TMTC2: variants seen among roughly 807,000 people sequenced by gnomAD.
The protein encoded by TMTC2 is transmembrane O-mannosyltransferase targeting cadherins 2.
TMTC2 carries 43 observed loss-of-function variants against 82.4 expected under a neutral mutation model. The ratio of observed to expected loss-of-function variants is 0.52; its 90% CI spans 0.41 to 0.67. The LOEUF (loss-of-function observed/expected upper bound fraction) is 0.67, where lower values mean the gene tolerates loss of function less well. Ranked by LOEUF, TMTC2 falls within the 30% of genes least tolerant of loss-of-function variation. TMTC2 has a pLI of 0.00. For synonymous variants in TMTC2, 408 were observed against 381.9 expected, an observed-to-expected ratio of 1.07 and a Z score of -0.80; for missense variants, 919 against 1,012.4, an observed-to-expected ratio of 0.91 and a Z score of 1.25.
At chr12:82,719,385 C>T (rs909735511) in intron 1 of TMTC2, among the ~76,000 whole-genome samples, 1 of 152,002 alleles carries the variant, frequency 6.6e-6, no homozygotes, top group African/African-American at 2.4e-5. Context: ...AGCCACCGTG[C>T]CCAGCCTGGA....
chr12:83,042,317 T>C (rs2137441927), intron 9 of TMTC2, among the ~76,000 whole-genome samples: 1 of 152,298 alleles, frequency 6.6e-6, no homozygotes, highest in Admixed American at 6.5e-5. Context: ...CTACCTCATC[T>C]CTTTCCTTAC....
rs192368100 is a variant in TMTC2, at chr12:82,821,848, T to A, written c.84-35162T>A. Among the ~76,000 whole-genome samples, 4 of 139,898 alleles carry A rather than the reference T, an allele frequency of 2.9e-5. No individual in the cohort carries two copies. The East Asian group carries it at 8.4e-4, about 29-fold the overall frequency. The allele number at this position is 139,898 out of a possible 152,430, so 91.8% of individuals were successfully genotyped here. On this transcript the variant is annotated intron_variant, in intron 1 of 11. Transcript: ENST00000321196. ...TTGCAGTGAGCCGAGATCGCGCCACTACACTTCAGCTGCCTGGGTGACAGA... is the reference window on the plus strand; with the variant it reads ...TTGCAGTGAGCCGAGATCGCGCCACAACACTTCAGCTGCCTGGGTGACAGA...
At chr12:82,916,397 A>G (rs1313295071) in intron 3 of TMTC2, among the ~76,000 whole-genome samples, 1 of 152,112 alleles carries the variant, frequency 6.6e-6, no homozygotes, top group Non-Finnish European at 1.5e-5. Context: ...TGTAGAGCAC[A>G]TTGTTATTAG....
intron 9 of TMTC2, among the ~76,000 whole-genome samples, chr12:83,031,823 C>A (rs960759790): frequency 6.6e-6 from 1 of 151,846 alleles, no homozygotes; most frequent in Non-Finnish European, 1.5e-5. Context: ...CTCAAATAAC[C>A]ACAAATCCAT....
intron 1 of TMTC2, among the ~76,000 whole-genome samples, chr12:82,692,314 C>T (rs1395904237): frequency 1.3e-5 from 2 of 152,176 alleles, no homozygotes; most frequent in African/African-American, 4.8e-5. Flanking sequence ...TAATGTGCCC[C>T]TGTTGTTAAT....
chr12:82,731,960 T>C (rs961132794), intron 1 of TMTC2, among the ~76,000 whole-genome samples: 1 of 152,238 alleles, frequency 6.6e-6, no homozygotes, highest in Non-Finnish European at 1.5e-5. Context: ...GCTTGTTGTC[T>C]CTTTCCCTGG....
chr12:82,940,323 A>G (rs1204497351), intron 4 of TMTC2, among the ~76,000 whole-genome samples: 1 of 151,860 alleles, frequency 6.6e-6, no homozygotes, highest in Non-Finnish European at 1.5e-5. Flanking sequence ...GGCCAGATAC[A>G]TGTATTTCTA....
intron 5 of TMTC2, 95 bp from the exon 6 acceptor site, chr12:82,965,465 C>T (rs1878151505): frequency 7.2e-7 from 1 of 1,395,198 alleles, no homozygotes; most frequent in Non-Finnish European, 9.9e-7. Context: ...TTAATGAGCA[C>T]TAAACCATAG....
At chr12:83,080,973 C>G (rs555651646) in intron 11 of TMTC2, among the ~76,000 whole-genome samples, 1 of 152,290 alleles carries the variant, frequency 6.6e-6, no homozygotes, top group African/African-American at 2.4e-5. Flanking sequence ...ATGTCAGTTG[C>G]TAAAACAAGC....
At chr12:82,701,350 G>A (rs78676149) in intron 1 of TMTC2, among the ~76,000 whole-genome samples, 5,019 of 152,114 alleles carry the variant, frequency 0.033, 184 homozygotes, top group East Asian at 0.12. Flanking sequence ...GAATATAAAA[G>A]CTCTGTTTGA....
At chr12:82,947,552 G>A (rs575401188) in intron 4 of TMTC2, among the ~76,000 whole-genome samples, 7 of 145,086 alleles carry the variant, frequency 4.8e-5, no homozygotes, top group Non-Finnish European at 8.8e-5. Context: ...CCGTGGTCTC[G>A]ATCTCCTGAC....
chr12:82,915,088 G>A (rs567269139), intron 3 of TMTC2, among the ~76,000 whole-genome samples: 33 of 152,172 alleles, frequency 2.2e-4, no homozygotes, highest in African/African-American at 7.7e-4. Flanking sequence ...GCCTCCCAAA[G>A]TGCTGGGATT....
At position 82,965,737 on chromosome 12, in the gene TMTC2, A is replaced by G. The variant is rs1315176909; in HGVS notation, c.1862A>G (p.His621Arg). 6.2e-6 allele frequency: 10 copies of G among 1,613,784 alleles called. No individual in the cohort carries two copies. The East Asian group carries it at 2.0e-4, about 32-fold the overall frequency. The stretch of plus-strand genomic sequence containing the variant: ...GGAAAGCTGTATCATGAGCAGGGAC[A>G]CTATGAGGTCTGGCCAATGCCTCTC... ...NLGKLYHEQG[H>R]YEEALSVYKE... Residue 621 changes from histidine to arginine, a missense_variant, in exon 6 of 12, where the codon CAC (histidine) becomes CGC (arginine). By Grantham distance (29) the His-to-Arg change is conservative. Coordinates refer to ENST00000321196, the MANE Select transcript of TMTC2 (RefSeq NM_152588.3).
intron 11 of TMTC2, 107 bp from the exon 12 acceptor site, chr12:83,132,103 T>A (rs770085155): frequency 3.0e-6 from 4 of 1,338,798 alleles, no homozygotes; most frequent in Non-Finnish European, 4.0e-6. Context: ...ACAAAATGCC[T>A]CTAGACATAA....
chr12:82,792,562 G>A (rs146502128), intron 1 of TMTC2, among the ~76,000 whole-genome samples: 1 of 152,066 alleles, frequency 6.6e-6, no homozygotes, highest in African/African-American at 2.4e-5. Flanking sequence ...AACTTCCTGG[G>A]GTCAAGCAAT....
At chr12:82,914,833 T>A (rs1373476593) in intron 3 of TMTC2, among the ~76,000 whole-genome samples, 3 of 147,290 alleles carry the variant, frequency 2.0e-5, no homozygotes, top group African/African-American at 7.6e-5. Flanking sequence ...TTTTTTTTTT[T>A]TTTTTTTTTG....
chr12:83,117,958 G>C (rs1328073908), intron 11 of TMTC2, among the ~76,000 whole-genome samples: 2 of 151,798 alleles, frequency 1.3e-5, no homozygotes, highest in East Asian at 3.9e-4. Context: ...TTCTTGATTT[G>C]ATTCTCAGCT....
In TMTC2 at chr12:82,845,226, C is replaced by CAAAA. The variant is rs66859423; in HGVS notation, c.84-11760_84-11757dup. On this transcript the variant is annotated intron_variant, in intron 1 of 11. Coordinates refer to ENST00000321196, the MANE Select transcript of TMTC2 (RefSeq NM_152588.3). ...CCTGGGTGACAGAGCGTGACTGTCTCAAAAAAAAAAAAAAAAAAAAAAAAA... is the reference window on the plus strand; with the variant it reads ...CCTGGGTGACAGAGCGTGACTGTCTCAAAAAAAAAAAAAAAAAAAAAAAAAAAAA... Among the ~76,000 whole-genome samples, 319 of 45,564 alleles carry CAAAA rather than the reference C, an allele frequency of 7.0e-3. 50 individuals are homozygous for CAAAA. The highest frequency in any genetic ancestry group is 0.022 in the African/African-American group (220 of 9,848). The allele number at this position is 45,564 out of a possible 152,430, so 29.9% of individuals were successfully genotyped here.
chr12:82,967,280 CTG>C (rs1157263578), intron 7 of TMTC2, among the ~76,000 whole-genome samples: 3 of 151,918 alleles, frequency 2.0e-5, no homozygotes, highest in East Asian at 3.9e-4. Context: ...ACTCTAGAGA[CTG>C]TAGAAATAAA....
Sources: gnomAD v4.1 joint callset for allele counts (sites outside exome capture counted in the v4.1 genomes callset) on GRCh38, gnomAD v4.1.1 for gene constraint, MANE v1.5 for transcripts, NCBI Gene and HGNC (gene_info 2026-07-23, HGNC 2026-07-21) for gene names.